The following ABLIM1 variants were observed in gnomAD, a reference collection of about 807,000 sequenced individuals.
ABLIM1 encodes actin-binding LIM protein 1.
In ABLIM1, 40 loss-of-function variants were observed where a neutral mutation model predicts 107.0. The ratio of observed to expected loss-of-function variants is 0.37; its 90% confidence interval spans 0.29 to 0.49. The LOEUF (loss-of-function observed/expected upper bound fraction) is 0.49, where lower values mean the gene tolerates loss of function less well. Among genes scored for constraint, ABLIM1 ranks in the 20% least tolerant of loss-of-function variants. The pLI is 0.97. For missense variants in ABLIM1, 857 were observed against 1,008.5 expected (o/e 0.85, Z 2.04); for synonymous variants, 357 against 357.3 (o/e 1.00, Z 0.01).
At chr10:114,795,010 TAAAA>T in the ABLIM1 span, among the ~76,000 whole-genome samples, 1 of 152,172 alleles carries the variant, frequency 6.6e-6, no homozygotes. Flanking sequence ...ATTAATTTTT[TAAAA>T]AACTCCATGT....
In ABLIM1 at chr10:114,589,725, T is replaced by C. The variant is rs2139564951; in HGVS notation, c.379+12102A>G. Among the ~76,000 whole-genome samples, 3 of 152,288 alleles carry C rather than the reference T, an allele frequency of 2.0e-5. No individual in the cohort carries two copies. In the South Asian group the frequency reaches 6.2e-4, roughly 32 times the overall value. On this transcript the variant is annotated intron_variant, in intron 2 of 22. Transcript: ENST00000533213. The stretch of plus-strand genomic sequence containing the variant: ...GCCTGGCTCTTTCTTTTTTCTTTTT[T>C]TAGAGTTTGTTTTAAGCTAAATGTT...
Position 114,570,853 on chromosome 10 carries a change from G to A in ABLIM1, c.673+444C>T, listed in dbSNP as rs143855786. On this transcript the variant is annotated intron_variant, in intron 4 of 22. Coordinates refer to ENST00000533213, the MANE Select transcript of ABLIM1 (RefSeq NM_002313.7). ...TAAATGAGGCTCAAGCAATCCTCCC[G>A]CCTCAGCCTCCCAAAGTGCTGGGAT... Among the ~76,000 whole-genome samples the A allele has an allele frequency of 3.2e-3, 493 of 151,986 alleles. 1 individual carries two copies. The highest frequency in any genetic ancestry group is 5.2e-3 in the Non-Finnish European group (356 of 67,964).
At chr10:114,585,223 G>A (rs569077151) in intron 2 of ABLIM1, among the ~76,000 whole-genome samples, 75 of 152,260 alleles carry the variant, frequency 4.9e-4, no homozygotes, top group Middle Eastern at 6.8e-3. Context: ...TCAAAGGTAA[G>A]TTTTATTAAC....
chr10:114,438,633 T>C (rs1185435748), intron 21 of ABLIM1, among the ~76,000 whole-genome samples: 3 of 152,214 alleles, frequency 2.0e-5, no homozygotes, highest in African/African-American at 7.2e-5. Context: ...TCTTGTCCCA[T>C]GACTAGCTCA....
At chr10:114,691,087 A>G (rs188372613) in intron 1 of ABLIM1, among the ~76,000 whole-genome samples, 1 of 152,336 alleles carries the variant, frequency 6.6e-6, no homozygotes, top group Non-Finnish European at 1.5e-5. Flanking sequence ...ACAATTATGA[A>G]TCCCTCTTTA....
intron 1 of ABLIM1, among the ~76,000 whole-genome samples, chr10:114,764,225 C>T (rs2082825718): frequency 6.6e-6 from 1 of 152,098 alleles, no homozygotes; most frequent in South Asian, 2.1e-4. Flanking sequence ...TCCTAAAATA[C>T]CACAAGATGG....
chr10:114,573,232 C>T (rs1336190852), intron 3 of ABLIM1, among the ~76,000 whole-genome samples: 2 of 152,172 alleles, frequency 1.3e-5, no homozygotes, highest in African/African-American at 2.4e-5. Flanking sequence ...TGAGTTCTAA[C>T]GTTAACTTGG....
intron 11 of ABLIM1, 125 bp from the exon 12 acceptor site, chr10:114,465,952 T>C (rs991516035): frequency 2.7e-6 from 3 of 1,107,044 alleles, no homozygotes; most frequent in Admixed American, 2.7e-5. Flanking sequence ...TATGCACTTA[T>C]TTTTATGTGC....
At chr10:114,442,258 C>T (rs1454973885) in intron 17 of ABLIM1, among the ~76,000 whole-genome samples, 1 of 152,220 alleles carries the variant, frequency 6.6e-6, no homozygotes, top group Non-Finnish European at 1.5e-5. Context: ...GCAGCAGTAA[C>T]TGAACTGGAA....
intron 1 of ABLIM1, among the ~76,000 whole-genome samples, chr10:114,753,131 T>A (rs925909121): frequency 2.6e-5 from 4 of 152,160 alleles, no homozygotes; most frequent in Admixed American, 2.0e-4. Context: ...TTTTCTCTGG[T>A]ATAGAAATGG....
intron 6 of ABLIM1, among the ~76,000 whole-genome samples, chr10:114,543,596 G>A (rs748692941): frequency 3.9e-5 from 6 of 152,170 alleles, no homozygotes; most frequent in South Asian, 2.1e-4. Context: ...CTGTGAACGC[G>A]TGCGTACATA....
At chr10:114,644,280 C>CAAAAAAAAAAAA (rs1170954656) in intron 1 of ABLIM1, among the ~76,000 whole-genome samples, 1 of 18,640 alleles carries the variant, frequency 5.4e-5, no homozygotes, top group Non-Finnish European at 1.0e-4. Context: ...GACTCCATCT[C>CAAAAAAAAAAAA]AAAAAAAAAA....
At chr10:114,556,001 T>C (rs2068679979) in intron 4 of ABLIM1, among the ~76,000 whole-genome samples, 1 of 152,172 alleles carries the variant, frequency 6.6e-6, no homozygotes, top group Non-Finnish European at 1.5e-5. Context: ...TTGGAGACCT[T>C]ATAAAATATC....
intron 2 of ABLIM1, among the ~76,000 whole-genome samples, chr10:114,588,706 T>C (rs2074475994): frequency 6.6e-6 from 1 of 152,090 alleles, no homozygotes; most frequent in African/African-American, 2.4e-5. Flanking sequence ...GGTTTCATCA[T>C]GTTGGCCAGG....
the ABLIM1 span, among the ~76,000 whole-genome samples, chr10:114,782,299 T>C: frequency 6.6e-6 from 1 of 152,158 alleles, no homozygotes; most frequent in Non-Finnish European, 1.5e-5. Context: ...TATAGATTCA[T>C]TTATTCATTC....
intron 1 of ABLIM1, among the ~76,000 whole-genome samples, chr10:114,656,928 G>A (rs2079552078): frequency 6.6e-6 from 1 of 152,214 alleles, no homozygotes; most frequent in South Asian, 2.1e-4. Flanking sequence ...TGGGGATGAA[G>A]AGGTTGGGGT....
chr10:114,546,012 C>T (rs1189706681), intron 5 of ABLIM1, among the ~76,000 whole-genome samples: 3 of 151,782 alleles, frequency 2.0e-5, no homozygotes, highest in Non-Finnish European at 4.4e-5. Flanking sequence ...ACAAGGGGCC[C>T]ACATGCCAGA....
intron 1 of ABLIM1, among the ~76,000 whole-genome samples, chr10:114,748,581 A>G (rs1035959935): frequency 6.4e-5 from 2 of 31,400 alleles, no homozygotes; most frequent in African/African-American, 1.1e-4. Flanking sequence ...TGCCTGTTTC[A>G]AAAAAAAAAA....
chr10:114,444,403 A>C (rs2060712934), intron 16 of ABLIM1, among the ~76,000 whole-genome samples: 2 of 152,132 alleles, frequency 1.3e-5, no homozygotes, highest in Admixed American at 6.6e-5. Flanking sequence ...GCTTTCCCTA[A>C]AGAGCCAGGA....
Sources: gnomAD v4.1 joint callset for allele counts (sites outside exome capture counted in the v4.1 genomes callset) on GRCh38, gnomAD v4.1.1 for gene constraint, MANE v1.5 for transcripts, NCBI Gene and HGNC (gene_info 2026-07-23, HGNC 2026-07-21) for gene names.